The following CUEDC1 variants were observed in gnomAD, a reference collection of about 807,000 sequenced individuals.
CUEDC1 encodes CUE domain-containing protein 1.
In CUEDC1, 30 loss-of-function variants were observed where a neutral mutation model predicts 43.7. The observed-to-expected ratio is 0.69, with a 90% CI of 0.51 to 0.93. The LOEUF is 0.93. Ranked by LOEUF, CUEDC1 falls within the 40% of genes least tolerant of loss-of-function variation. The probability of loss-of-function intolerance (pLI) is 0.00; values close to 1 mark genes in which losing one functional copy is unlikely to be tolerated. For synonymous variants in CUEDC1, 223 were observed against 223.6 expected, an observed-to-expected ratio of 1.00 and a Z score of 0.02; for missense variants, 486 against 549.0, an observed-to-expected ratio of 0.89 and a Z score of 1.15.
chr17:57,871,226 A>G, intron 6 of CUEDC1, 60 bp downstream of exon 6: 1 of 1,319,372 alleles, frequency 7.6e-7, no homozygotes, highest in African/African-American at 1.4e-5. Flanking sequence ...ATGCAAAGCA[A>G]AGTTGGGTGT....
chr17:57,887,655 C>CTTTTTTTTGTTTTT (rs2074308306), intron 1 of CUEDC1, among the ~76,000 whole-genome samples: 1 of 58,032 alleles, frequency 1.7e-5, no homozygotes. Context: ...CCACGCCTGG[C>CTTTTTTTTGTTTTT]TTTTTTTTTT....
intron 1 of CUEDC1, among the ~76,000 whole-genome samples, chr17:57,916,641 G>A (rs1325259335): frequency 1.3e-5 from 2 of 152,174 alleles, no homozygotes; most frequent in Non-Finnish European, 2.9e-5. Flanking sequence ...AGTGGATCTA[G>A]AAGCCACACT....
intron 1 of CUEDC1, among the ~76,000 whole-genome samples, chr17:57,951,226 T>C (rs2075003895): frequency 6.6e-6 from 1 of 152,000 alleles, no homozygotes; most frequent in South Asian, 2.1e-4. Flanking sequence ...TAATAATAGC[T>C]TCGATGTAAT....
intron 2 of CUEDC1, among the ~76,000 whole-genome samples, chr17:57,881,332 G>C (rs2074201288): frequency 6.6e-6 from 1 of 152,256 alleles, no homozygotes; most frequent in Admixed American, 6.5e-5. Flanking sequence ...GCTTTTGCAG[G>C]AAAGGAAGAA....
At chr17:57,943,328 C>T (rs918294330) in intron 1 of CUEDC1, among the ~76,000 whole-genome samples, 1 of 152,128 alleles carries the variant, frequency 6.6e-6, no homozygotes, top group Admixed American at 6.5e-5. Flanking sequence ...CACTCATTTG[C>T]CTCTCCTTTC....
intron 1 of CUEDC1, among the ~76,000 whole-genome samples, chr17:57,921,771 G>A (rs571990685): frequency 6.6e-6 from 1 of 152,260 alleles, no homozygotes; most frequent in Non-Finnish European, 1.5e-5. Context: ...GGGGTCTGTG[G>A]TTCGGCTCAA....
chr17:57,892,246 C>A (rs1011656360), intron 1 of CUEDC1, among the ~76,000 whole-genome samples: 1 of 152,184 alleles, frequency 6.6e-6, no homozygotes, highest in East Asian at 1.9e-4. Context: ...GGGTCTGAGG[C>A]CAAGGCAGCC....
At chr17:57,929,322 G>T (rs111772222) in intron 1 of CUEDC1, among the ~76,000 whole-genome samples, 7,528 of 152,078 alleles carry the variant, frequency 0.05, 289 homozygotes, top group African/African-American at 0.1. Context: ...TTAAACAGCC[G>T]CCCAAGAACA....
chr17:57,883,054 TCTCA>T (rs2074236764), intron 2 of CUEDC1, among the ~76,000 whole-genome samples: 1 of 152,138 alleles, frequency 6.6e-6, no homozygotes, highest in Non-Finnish European at 1.5e-5. Flanking sequence ...ATACGCATAC[TCTCA>T]CTCTCTCTCT....
intron 1 of CUEDC1, among the ~76,000 whole-genome samples, chr17:57,886,202 C>T (rs2074288992): frequency 1.3e-5 from 2 of 152,198 alleles, no homozygotes; most frequent in South Asian, 4.1e-4. Context: ...GAGGTATAGA[C>T]GCTGAGTTAG....
chr17:57,894,925 A>G (rs777714615), intron 1 of CUEDC1, among the ~76,000 whole-genome samples: 7 of 152,220 alleles, frequency 4.6e-5, no homozygotes, highest in Non-Finnish European at 8.8e-5. Context: ...AAAAGGCACC[A>G]TCAAGAAGCC....
intron 2 of CUEDC1, among the ~76,000 whole-genome samples, chr17:57,884,192 C>CTTTTTTTTTTT (rs780667346): frequency 5.9e-4 from 48 of 81,338 alleles, no homozygotes; most frequent in Non-Finnish European, 6.9e-4. Context: ...TTTTTCTTTT[C>CTTTTTTTTTTT]TTTTTTTTTT....
intron 1 of CUEDC1, among the ~76,000 whole-genome samples, chr17:57,893,316 A>G (rs993396425): frequency 1.4e-5 from 2 of 140,588 alleles, no homozygotes; most frequent in African/African-American, 5.0e-5. Flanking sequence ...AAAGGAAGGG[A>G]AGAGGAGAGC....
intron 1 of CUEDC1, among the ~76,000 whole-genome samples, chr17:57,939,665 C>T (rs553621215): frequency 3.8e-4 from 58 of 152,256 alleles, no homozygotes; most frequent in Middle Eastern, 6.8e-3. Context: ...AAGCTCCTAC[C>T]CCCTGGTGCT....
intron 1 of CUEDC1, among the ~76,000 whole-genome samples, chr17:57,907,241 G>A (rs916940570): frequency 2.0e-5 from 3 of 152,180 alleles, no homozygotes; most frequent in South Asian, 2.1e-4. Context: ...AAATCCTTGC[G>A]TTATGATACG....
Position 57,911,249 on chromosome 17 carries a change from C to G in CUEDC1, c.-315-25370G>C, listed in dbSNP as rs75586214. Reference sequence around the variant, plus strand: ...ATGCTGGCACCACTGGTCCAGGGACCACACCTGTCTCCCTAACTAAGCCCT... The same window carrying G: ...ATGCTGGCACCACTGGTCCAGGGACGACACCTGTCTCCCTAACTAAGCCCT... On this transcript the variant is annotated intron_variant, in intron 1 of 10. Coordinates refer to ENST00000577830, the MANE Select transcript of CUEDC1 (RefSeq NM_001271875.2). Among the ~76,000 whole-genome samples, 700 of 152,314 alleles carry G rather than the reference C, an allele frequency of 4.6e-3. 40 individuals are homozygous for G. The East Asian group carries it at 0.11, about 25-fold the overall frequency.
At chr17:57,942,400 GTT>G in intron 1 of CUEDC1, among the ~76,000 whole-genome samples, 1 of 152,086 alleles carries the variant, frequency 6.6e-6, no homozygotes, top group East Asian at 1.9e-4. Flanking sequence ...GGTTTGATTT[GTT>G]TTTTGAGACA....
intron 1 of CUEDC1, among the ~76,000 whole-genome samples, chr17:57,939,876 G>A (rs1458256326): frequency 2.0e-5 from 3 of 152,106 alleles, no homozygotes; most frequent in East Asian, 1.9e-4. Context: ...CAGCAGCGGC[G>A]TCCTGCAGGT....
chr17:57,918,210 G>C (rs780202887), intron 1 of CUEDC1, among the ~76,000 whole-genome samples: 7 of 152,214 alleles, frequency 4.6e-5, no homozygotes, highest in Non-Finnish European at 8.8e-5. Flanking sequence ...AACCCTCAGG[G>C]AACCTGGGGA....
Sources: gnomAD v4.1 joint callset for allele counts (sites outside exome capture counted in the v4.1 genomes callset) on GRCh38, gnomAD v4.1.1 for gene constraint, MANE v1.5 for transcripts, NCBI Gene and HGNC (gene_info 2026-07-23, HGNC 2026-07-21) for gene names.